The following PCDHA4 variants were observed in gnomAD, a reference collection of about 807,000 sequenced individuals.
PCDHA4 encodes protocadherin alpha 4, also known as protocadherin alpha-4.
In PCDHA4, 49 loss-of-function variants were observed where a neutral mutation model predicts 61.4. The ratio of observed to expected loss-of-function variants is 0.80; its 90% CI spans 0.63 to 1.01. The LOEUF (loss-of-function observed/expected upper bound fraction) is 1.01, where lower values mean the gene tolerates loss of function less well. Ranked by LOEUF, PCDHA4 falls within the 50% of genes least tolerant of loss-of-function variation. The probability of loss-of-function intolerance (pLI) is 0.00; values close to 1 mark genes in which losing one functional copy is unlikely to be tolerated. For synonymous variants in PCDHA4, 590 were observed against 550.3 expected (o/e 1.07, Z -1.01); for missense variants, 1,254 against 1,235.8 (o/e 1.01, Z -0.22).
At chr5:140,849,641 C>T (rs2150443548) in intron 1 of PCDHA4, 8 of 1,598,742 alleles carry the variant, frequency 5.0e-6, no homozygotes, top group East Asian at 2.2e-5. Flanking sequence ...CAGATGCCAA[C>T]GGGCAGGTTA....
intron 1 of PCDHA4, chr5:140,868,884 T>C: frequency 1.4e-6 from 1 of 728,466 alleles, no homozygotes; most frequent in East Asian, 2.8e-5. Flanking sequence ...ACTCACAGTT[T>C]TAGGCGCAAG....
intron 1 of PCDHA4, chr5:140,871,257 G>A (rs374337862): frequency 1.2e-6 from 2 of 1,613,940 alleles, no homozygotes; most frequent in Admixed American, 1.7e-5. Context: ...TGCTGTATAC[G>A]GCGCTGTGGT....
intron 1 of PCDHA4, among the ~76,000 whole-genome samples, chr5:140,965,734 AT>A (rs2095929489): frequency 6.6e-6 from 1 of 152,220 alleles, no homozygotes; most frequent in Non-Finnish European, 1.5e-5. Flanking sequence ...ATTTTACCAG[AT>A]TTTCCCCATT....
At position 140,863,376 on chromosome 5, in the gene PCDHA4, C is replaced by A. The variant is rs781824830; in HGVS notation, c.2385+53804C>A. The A allele has an allele frequency of 5.3e-6, 6 of 1,123,238 alleles. No individual in the cohort carries two copies. The Admixed American group carries it at 5.5e-5, about 10-fold the overall frequency. 69.6% of individuals were successfully genotyped at this position (1,123,238 alleles called of 1,614,324 possible). On this transcript the variant is annotated intron_variant, in intron 1 of 3. Transcript: ENST00000530339. ...CGCTGCGGTGCTTGGCGCAGCTCAC[C>A]GAGAGCTCGTGCATGCCGGGCAAGC... is the stretch of plus-strand genomic sequence containing the variant.
At chr5:140,899,460 T>G (rs2153464035) in intron 1 of PCDHA4, among the ~76,000 whole-genome samples, 1 of 152,380 alleles carries the variant, frequency 6.6e-6, no homozygotes, top group East Asian at 1.9e-4. Context: ...ATGTGGTTTT[T>G]GTCTTTGGTT....
At chr5:140,823,804 G>A (rs782334570) in intron 1 of PCDHA4, 20 of 1,613,694 alleles carry the variant, frequency 1.2e-5, no homozygotes, top group Non-Finnish European at 1.6e-5. Context: ...GGCGCCGAAG[G>A]CCTCATCGCG....
intron 1 of PCDHA4, chr5:140,967,558 C>G (rs1554229674): frequency 6.2e-7 from 1 of 1,614,050 alleles, no homozygotes; most frequent in South Asian, 1.1e-5. Flanking sequence ...CTTATCGCGT[C>G]CAGCTACGGG....
At chr5:140,884,395 C>T (rs1554181520) in intron 1 of PCDHA4, 1 of 1,614,000 alleles carries the variant, frequency 6.2e-7, no homozygotes, top group African/African-American at 1.3e-5. Context: ...CGGTGTCCAG[C>T]CTGTTGGTGC....
intron 1 of PCDHA4, chr5:140,822,583 G>A (rs772485263): frequency 6.2e-7 from 1 of 1,612,276 alleles, no homozygotes; most frequent in Non-Finnish European, 8.5e-7. Context: ...AGATGCAGAT[G>A]AGGGCATCAA....
intron 1 of PCDHA4, chr5:140,927,991 G>T: frequency 6.2e-7 from 1 of 1,614,202 alleles, no homozygotes; most frequent in Non-Finnish European, 8.5e-7. Flanking sequence ...TGTAAAGGAT[G>T]AAGACCTCGA....
intron 1 of PCDHA4, among the ~76,000 whole-genome samples, chr5:140,971,657 G>A (rs961666289): frequency 1.3e-5 from 2 of 151,992 alleles, no homozygotes; most frequent in African/African-American, 4.8e-5. Flanking sequence ...AAGTAGATGG[G>A]AATTAGAGAG....
In PCDHA4 at chr5:140,809,231, G is replaced by A. The variant is rs538670718; in HGVS notation, c.2044G>A (p.Ala682Thr). 6.2e-7 allele frequency: 1 copy of A among 1,614,098 alleles called. No individual in the cohort carries two copies. The highest frequency in any genetic ancestry group is 2.2e-5 in the East Asian group (1 of 44,874). ...ACAGGCGCCAAAGGCCTCCTCACGG[G>A]CGTTGGTGGGCGCTGTGGGTCCCGA... Reference protein sequence around the residue: ...SGQAPKASSRALVGAVGPDAA... With the variant: ...SGQAPKASSRTLVGAVGPDAA... Residue 682 changes from alanine (A) to threonine (T), a missense_variant, in exon 1 of 4, where the codon GCG (alanine) becomes ACG (threonine). Coordinates refer to ENST00000530339, the MANE Select transcript of PCDHA4 (RefSeq NM_018907.4).
At chr5:140,905,611 T>C (rs1396340503) in intron 1 of PCDHA4, among the ~76,000 whole-genome samples, 1 of 152,224 alleles carries the variant, frequency 6.6e-6, no homozygotes, top group South Asian at 2.1e-4. Flanking sequence ...ATTGAATCTA[T>C]AGATTGCTTT....
intron 1 of PCDHA4, among the ~76,000 whole-genome samples, chr5:140,886,331 G>A (rs910332577): frequency 6.6e-6 from 1 of 151,936 alleles, no homozygotes; most frequent in Admixed American, 6.6e-5. Flanking sequence ...TGGGATACAT[G>A]TGCAGAACGT....
chr5:140,821,558 C>T (rs2150061714), intron 1 of PCDHA4: 1 of 521,892 alleles, frequency 1.9e-6, no homozygotes, highest in East Asian at 3.1e-5. Context: ...CACATGATGT[C>T]GCTGGACACC....
At chr5:140,863,770 G>C (rs953823411) in intron 1 of PCDHA4, 1 of 240,010 alleles carries the variant, frequency 4.2e-6, no homozygotes, top group African/African-American at 2.3e-5. Context: ...AAGCCGAGGC[G>C]GGCGGATCAC....
Position 140,856,045 on chromosome 5 carries a change from T to C in PCDHA4, c.2385+46473T>C, listed in dbSNP as rs1554148107. 3 of 1,581,954 alleles carry C rather than the reference T, an allele frequency of 1.9e-6. 1 individual carries two copies. In the African/African-American group the frequency reaches 4.1e-5, roughly 21 times the overall value. ...GTCGATTTGTAAAACAAGAGAAGGATAAGATGGTTTCCAGATGTAGCTGCC... is the reference window on the plus strand; with the variant it reads ...GTCGATTTGTAAAACAAGAGAAGGACAAGATGGTTTCCAGATGTAGCTGCC... On this transcript the variant is annotated intron_variant, in intron 1 of 3. Coordinates refer to ENST00000530339, the MANE Select transcript of PCDHA4 (RefSeq NM_018907.4).
At chr5:140,911,866 T>A (rs139180139) in intron 1 of PCDHA4, among the ~76,000 whole-genome samples, 31 of 152,320 alleles carry the variant, frequency 2.0e-4, no homozygotes, top group Non-Finnish European at 4.3e-4. Context: ...TCTGTTCTTC[T>A]GGAACCACTC....
At chr5:140,941,401 C>T (rs1200707950) in intron 1 of PCDHA4, among the ~76,000 whole-genome samples, 1 of 149,796 alleles carries the variant, frequency 6.7e-6, no homozygotes, top group Non-Finnish European at 1.5e-5. Flanking sequence ...ACTGCAACCT[C>T]CGCCTCCCGG....
Sources: allele counts gnomAD v4.1 joint callset (sites outside exome capture counted in the v4.1 genomes callset), GRCh38; gene constraint gnomAD v4.1.1; transcripts MANE v1.5; gene names NCBI Gene and HGNC (gene_info 2026-07-23, HGNC 2026-07-21).